RBFOX1: variants seen among roughly 807,000 people sequenced by gnomAD.
RBFOX1 encodes RNA binding fox-1 homolog 1.
A neutral mutation model predicts 57.7 loss-of-function variants in RBFOX1; 8 were observed. The observed-to-expected ratio is 0.14, with a 90% CI of 0.08 to 0.25. The LOEUF (loss-of-function observed/expected upper bound fraction) is 0.25. Among genes scored for constraint, RBFOX1 ranks in the 10% least tolerant of loss-of-function variants. The pLI, the probability that RBFOX1 is intolerant of heterozygous loss-of-function variation, is 1.00. For missense variants in RBFOX1, 611 were observed against 548.5 expected (o/e 1.11, Z -1.14); for synonymous variants, 326 against 222.4 (o/e 1.47, Z -4.15).
chr16:6,823,826 A>G (rs1311541876), intron 3 of RBFOX1, among the ~76,000 whole-genome samples: 2 of 152,160 alleles, frequency 1.3e-5, no homozygotes, highest in African/African-American at 2.4e-5. Flanking sequence ...GGACCTAGCC[A>G]GGTAATCAGA....
At chr16:7,036,959 C>A (rs1013318884) in intron 3 of RBFOX1, among the ~76,000 whole-genome samples, 8 of 152,066 alleles carry the variant, frequency 5.3e-5, no homozygotes, top group Non-Finnish European at 1.2e-4. Flanking sequence ...CATGCTTCCC[C>A]TTTTTAGATC....
chr16:6,849,497 A>G (rs997330053), intron 3 of RBFOX1, among the ~76,000 whole-genome samples: 4 of 152,186 alleles, frequency 2.6e-5, no homozygotes, highest in African/African-American at 7.2e-5. Context: ...GCAAAACCCT[A>G]TCTCTACTAA....
chr16:7,337,538 T>G (rs2096813900), intron 4 of RBFOX1, among the ~76,000 whole-genome samples: 1 of 151,994 alleles, frequency 6.6e-6, no homozygotes, highest in Non-Finnish European at 1.5e-5. Flanking sequence ...ATCTCAAGAG[T>G]GAAAAAACAT....
At chr16:5,925,922 A>G (rs1026455842) in intron 4 of RBFOX1, among the ~76,000 whole-genome samples, 3 of 152,154 alleles carry the variant, frequency 2.0e-5, no homozygotes, top group Non-Finnish European at 2.9e-5. Flanking sequence ...GGCCAAGCTT[A>G]TCTCTCCGTA....
chr16:6,864,406 G>T (rs1316214202), intron 3 of RBFOX1, among the ~76,000 whole-genome samples: 1 of 152,078 alleles, frequency 6.6e-6, no homozygotes, highest in African/African-American at 2.4e-5. Flanking sequence ...TGCAGGCACA[G>T]AAATTTTGTG....
intron 4 of RBFOX1, among the ~76,000 whole-genome samples, chr16:7,475,161 C>A (rs141646150): frequency 6.6e-6 from 1 of 152,132 alleles, no homozygotes; most frequent in Admixed American, 6.5e-5. Context: ...GGAGACATCT[C>A]TGTTCCTTTT....
At chr16:7,045,574 G>C (rs140145971) in intron 3 of RBFOX1, among the ~76,000 whole-genome samples, 1 of 152,092 alleles carries the variant, frequency 6.6e-6, no homozygotes, top group Non-Finnish European at 1.5e-5. Context: ...CTTCAGTGTC[G>C]TCATTGTGCT....
At chr16:7,039,587 T>A (rs1175857473) in intron 3 of RBFOX1, among the ~76,000 whole-genome samples, 1 of 152,226 alleles carries the variant, frequency 6.6e-6, no homozygotes, top group African/African-American at 2.4e-5. Context: ...TAACACACTT[T>A]TGTTCTTCCT....
At chr16:5,736,328 C>T (rs945075376) in intron 3 of RBFOX1, among the ~76,000 whole-genome samples, 2 of 152,126 alleles carry the variant, frequency 1.3e-5, no homozygotes, top group African/African-American at 4.8e-5. Context: ...TCAGATGTGT[C>T]ACTATCTATA....
intron 11 of RBFOX1, among the ~76,000 whole-genome samples, chr16:7,643,791 G>A (rs1419607538): frequency 2.0e-5 from 3 of 152,056 alleles, no homozygotes; most frequent in Non-Finnish European, 2.9e-5. Context: ...CCAATTAGCA[G>A]AAAAGGAACA....
chr16:7,228,991 G>T (rs1040939422), intron 4 of RBFOX1, among the ~76,000 whole-genome samples: 1 of 152,114 alleles, frequency 6.6e-6, no homozygotes, highest in Non-Finnish European at 1.5e-5. Context: ...AGATGAGCTG[G>T]AAGGATGGGG....
In RBFOX1 at chr16:7,138,730, C is replaced by T. The variant is rs74009241; in HGVS notation, c.27+86632C>T. 7.6e-3 allele frequency among the ~76,000 whole-genome samples: 1,159 copies of T among 152,230 alleles called. 20 individuals are homozygous for T. The highest frequency in any genetic ancestry group is 0.026 in the African/African-American group (1,091 of 41,546). On this transcript the variant is annotated intron_variant, in intron 4 of 15. Transcript: ENST00000550418. ...ATATATAGGCTGCATTTCTGCAGGC[C>T]GTATGCTTGAGACTTGAATATTTCA... is the stretch of plus-strand genomic sequence containing the variant.
chr16:5,907,567 G>C (rs2058490852), intron 4 of RBFOX1, among the ~76,000 whole-genome samples: 1 of 152,030 alleles, frequency 6.6e-6, no homozygotes, highest in Admixed American at 6.5e-5. Flanking sequence ...TATTTACTGA[G>C]TACCACACAT....
intron 10 of RBFOX1, among the ~76,000 whole-genome samples, chr16:7,622,621 ATT>A (rs58793754): frequency 1.5e-4 from 23 of 150,536 alleles, no homozygotes; most frequent in African/African-American, 2.4e-4. Flanking sequence ...GAAGTGGTGT[ATT>A]TTTTTTTTGA....
intron 1 of RBFOX1, among the ~76,000 whole-genome samples, chr16:6,112,175 G>T (rs1392877405): frequency 6.6e-6 from 1 of 152,166 alleles, no homozygotes; most frequent in Non-Finnish European, 1.5e-5. Flanking sequence ...TTGTTATGAA[G>T]AAGGTAATAC....
chr16:7,448,443 C>T lies in RBFOX1; in HGVS notation c.28-69704C>T, dbSNP rs8048182. Reference sequence around the variant, plus strand: ...AGGTGCAAAGACACGTTTTACATGGCGGCAGGCAAGAGAGTGTATGCAGGG... The same window carrying T: ...AGGTGCAAAGACACGTTTTACATGGTGGCAGGCAAGAGAGTGTATGCAGGG... On this transcript the variant is annotated intron_variant, in intron 4 of 15. Transcript: ENST00000550418. 5.2e-3 allele frequency among the ~76,000 whole-genome samples: 789 copies of T among 152,224 alleles called. 4 individuals carry two copies. Among genetic ancestry groups the T allele is most frequent in the African/African-American group, 0.017 (717 of 41,530 alleles).
intron 4 of RBFOX1, among the ~76,000 whole-genome samples, chr16:7,414,453 C>A (rs963901785): frequency 6.6e-6 from 1 of 152,128 alleles, no homozygotes; most frequent in Non-Finnish European, 1.5e-5. Context: ...AAATGTGATT[C>A]TTTCTAATGT....
Position 5,305,412 on chromosome 16 carries a change from G to A in RBFOX1, c.219+65307G>A, listed in dbSNP as rs921174762. Among the ~76,000 whole-genome samples, 9 of 152,056 alleles carry A rather than the reference G, an allele frequency of 5.9e-5. No homozygotes were observed. The East Asian group carries it at 7.7e-4, about 13-fold the overall frequency. Reference sequence around the variant, plus strand: ...ACTTACATCTACAGAGGATGACTGAGGAGGAGGTCTGGCAGGAAATGATGG... The same window carrying A: ...ACTTACATCTACAGAGGATGACTGAAGAGGAGGTCTGGCAGGAAATGATGG... On this transcript the variant is annotated intron_variant, in intron 1 of 2. Coordinates refer to the RBFOX1 transcript ENST00000585867.
intron 5 of RBFOX1, among the ~76,000 whole-genome samples, chr16:7,527,727 G>C (rs2079019930): frequency 6.6e-6 from 1 of 152,086 alleles, no homozygotes; most frequent in South Asian, 2.1e-4. Context: ...TAATGTCTAT[G>C]AAGGTCTTAG....
Sources: gnomAD v4.1 joint callset for allele counts (sites outside exome capture counted in the v4.1 genomes callset) on GRCh38, gnomAD v4.1.1 for gene constraint, MANE v1.5 for transcripts, NCBI Gene and HGNC (gene_info 2026-07-23, HGNC 2026-07-21) for gene names.